The following ENTPD1 variants were observed in gnomAD, a reference collection of about 807,000 sequenced individuals.
ENTPD1 encodes the protein ATP diphosphohydrolase.
ENTPD1 carries 33 observed loss-of-function variants against 57.0 expected under a neutral mutation model. The observed-to-expected ratio is 0.58, with a 90% CI of 0.44 to 0.77. The LOEUF is 0.77. Among genes scored for constraint, ENTPD1 ranks in the 30% least tolerant of loss-of-function variants. The pLI is 0.00. For missense variants in ENTPD1, 501 were observed against 603.4 expected (o/e 0.83, Z 1.78); for synonymous variants, 202 against 218.8 (o/e 0.92, Z 0.68).
chr10:95,734,113 C>G (rs770425846), intron 1 of ENTPD1, among the ~76,000 whole-genome samples: 1 of 152,186 alleles, frequency 6.6e-6, no homozygotes, highest in Non-Finnish European at 1.5e-5. Context: ...CACACTCCCC[C>G]TTTCCTACTT....
chr10:95,698,881 A>G, the ENTPD1 span, among the ~76,000 whole-genome samples: 13,112 of 152,328 alleles, frequency 0.086, 698 homozygotes, highest in Middle Eastern at 0.16. Flanking sequence ...CTGCAGGTGG[A>G]ATGCAATAAG....
At position 95,791,536 on chromosome 10, in the gene ENTPD1, A is replaced by C. The variant is rs2098203733; in HGVS notation, c.17-31701A>C. Among the ~76,000 whole-genome samples the C allele has an allele frequency of 6.6e-6, 1 of 152,208 alleles. No homozygotes were observed. The highest frequency in any genetic ancestry group is 1.5e-5 in the Non-Finnish European group (1 of 68,026). On this transcript the variant is annotated intron_variant, in intron 1 of 9. Transcript: ENST00000371205. This position sits in a 1 kb window ranked among gnomAD's most constrained non-coding sequence, Gnocchi z 4.1. Reference sequence around the variant, plus strand: ...GTTAGAATGAAACAGAACTTAGGTCAAGATAGATTGCTAACAGTTAGACAT... The same window carrying C: ...GTTAGAATGAAACAGAACTTAGGTCCAGATAGATTGCTAACAGTTAGACAT...
chr10:95,803,909 C>G (rs1480384334), intron 1 of ENTPD1, among the ~76,000 whole-genome samples: 1 of 152,170 alleles, frequency 6.6e-6, no homozygotes, highest in Non-Finnish European at 1.5e-5. Flanking sequence ...CCAGTTTCAG[C>G]TTTCTACATA....
the ENTPD1 span, among the ~76,000 whole-genome samples, chr10:95,701,869 A>G: frequency 3.3e-5 from 5 of 152,148 alleles, no homozygotes; most frequent in Non-Finnish European, 4.4e-5. Context: ...ATTACAAACT[A>G]ATTAAAAATG....
rs569632106 is a variant in ENTPD1, at chr10:95,809,593, C to T, written c.17-13644C>T. Among the ~76,000 whole-genome samples, 38 of 116,134 alleles carry T rather than the reference C, an allele frequency of 3.3e-4. 1 individual carries two copies. The South Asian group carries it at 3.7e-3, about 11-fold the overall frequency. The allele number at this position is 116,134 out of a possible 152,430, so 76.2% of individuals were successfully genotyped here. ...CAGAGGCGCCCCCCCACCTCCCAGA[C>T]GGGGCGGATGCCAGGCAGAGGCGCT... On this transcript the variant is annotated intron_variant, in intron 1 of 9. Coordinates refer to ENST00000371205, the MANE Select transcript of ENTPD1 (RefSeq NM_001776.6).
chr10:95,797,278 G>C (rs534835805), intron 1 of ENTPD1, among the ~76,000 whole-genome samples: 1 of 152,094 alleles, frequency 6.6e-6, no homozygotes, highest in South Asian at 2.1e-4. Flanking sequence ...GGTGAGTTTG[G>C]CCATAGAACA....
At chr10:95,827,007 T>G (rs1007162599) in intron 2 of ENTPD1, among the ~76,000 whole-genome samples, 9 of 152,186 alleles carry the variant, frequency 5.9e-5, no homozygotes, top group Non-Finnish European at 1.3e-4. Context: ...AGATATCTAC[T>G]GCTGTGCTCA....
intron 5 of ENTPD1, 21 bp downstream of exon 5, chr10:95,844,656 AT>A: frequency 1.2e-6 from 2 of 1,613,908 alleles, no homozygotes; most frequent in Non-Finnish European, 8.5e-7. Context: ...CACAGCATCC[AT>A]GGAGGTGGCT....
intron 1 of ENTPD1, among the ~76,000 whole-genome samples, chr10:95,787,643 G>A (rs118092834): frequency 0.01 from 1,535 of 152,234 alleles, 6 homozygotes; most frequent in Non-Finnish European, 0.018. Context: ...TGGGACAGAA[G>A]CAATGTAGAC....
chr10:95,752,547 C>T (rs1411128377), upstream of ENTPD1, among the ~76,000 whole-genome samples: 4 of 152,098 alleles, frequency 2.6e-5, no homozygotes, highest in African/African-American at 9.7e-5. Context: ...ATCCCAGCTA[C>T]TCGGGAGGCT....
chr10:95,769,359 G>A (rs2098105513), intron 1 of ENTPD1, among the ~76,000 whole-genome samples: 1 of 152,210 alleles, frequency 6.6e-6, no homozygotes, highest in African/African-American at 2.4e-5. Flanking sequence ...ATGGCTGCTA[G>A]TGTGGCTGTT....
rs912145003 is a variant in ENTPD1, at chr10:95,876,044, A to G, written c.*9661A>G. 2 of 985,278 alleles carry G rather than the reference A, an allele frequency of 2.0e-6. No individual in the cohort carries two copies. Among genetic ancestry groups the G allele is most frequent in the African/African-American group, 3.5e-5 (2 of 57,246 alleles). The allele number at this position is 985,278 out of a possible 1,614,324, so 61.0% of individuals were successfully genotyped here. A position where few individuals can be genotyped will look rare whatever the true frequency, so the allele number is the denominator to read the frequency against. ...CACAATAATTATTTGCAAAATGAGT[A>G]AACATATCATAAGGAAATTATTTTT... On this transcript the variant is annotated 3_prime_UTR_variant, in exon 10 of 10. Coordinates refer to ENST00000371205, the MANE Select transcript of ENTPD1 (RefSeq NM_001776.6).
chr10:95,745,837 T>C (rs2098005503), intron 1 of ENTPD1, among the ~76,000 whole-genome samples: 1 of 152,178 alleles, frequency 6.6e-6, no homozygotes, highest in Non-Finnish European at 1.5e-5. Flanking sequence ...GCTGCCACGT[T>C]GGGTTGTAGA....
intron 7 of ENTPD1, among the ~76,000 whole-genome samples, chr10:95,859,349 G>A (rs2098461325): frequency 6.6e-6 from 1 of 152,110 alleles, no homozygotes; most frequent in Non-Finnish European, 1.5e-5. Context: ...TTGCCTATGC[G>A]AATTACACTT....
chr10:95,771,031 T>C (rs1236702103), intron 1 of ENTPD1, among the ~76,000 whole-genome samples: 1 of 152,166 alleles, frequency 6.6e-6, no homozygotes, highest in Non-Finnish European at 1.5e-5. Context: ...CTTTCTCTTG[T>C]TCCCTCTCTT....
At chr10:95,718,285 A>G (rs1412435349) in intron 1 of ENTPD1, among the ~76,000 whole-genome samples, 1 of 152,106 alleles carries the variant, frequency 6.6e-6, no homozygotes, top group Admixed American at 6.5e-5. Context: ...GAGGTTCCCC[A>G]TTCTATGTCT....
chr10:95,834,004 G>C (rs2098403506), intron 2 of ENTPD1, among the ~76,000 whole-genome samples: 1 of 152,214 alleles, frequency 6.6e-6, no homozygotes, highest in Non-Finnish European at 1.5e-5. Context: ...ATGAGTTTTG[G>C]AGGGGAAAAC....
At chr10:95,716,183 T>G (rs549377602) in intron 1 of ENTPD1, among the ~76,000 whole-genome samples, 2 of 152,304 alleles carry the variant, frequency 1.3e-5, no homozygotes, top group African/African-American at 4.8e-5. Flanking sequence ...AAGTATATTT[T>G]TAAAGTTCAT....
At chr10:95,701,894 A>G in the ENTPD1 span, among the ~76,000 whole-genome samples, 3 of 152,278 alleles carry the variant, frequency 2.0e-5, no homozygotes, top group Admixed American at 6.5e-5. Context: ...TTAAACAACT[A>G]GAATACATAG....
Sources: gnomAD v4.1 joint callset for allele counts (sites outside exome capture counted in the v4.1 genomes callset) on GRCh38, gnomAD v4.1.1 for gene constraint, Gnocchi (gnomAD v3.1) non-coding constraint, MANE v1.5 for transcripts, NCBI Gene and HGNC (gene_info 2026-07-23, HGNC 2026-07-21) for gene names.